NPHP1: variants seen among roughly 807,000 people sequenced by gnomAD.
NPHP1 encodes nephrocystin-1.
A neutral mutation model predicts 90.4 loss-of-function variants in NPHP1; 70 were observed. That is an observed-to-expected ratio of 0.77 (90% CI 0.64 to 0.95). NPHP1 has a LOEUF of 0.95. Ranked by LOEUF, NPHP1 falls within the 40% of genes least tolerant of loss-of-function variation. NPHP1 has a pLI of 0.00. For missense variants in NPHP1, 764 were observed against 795.9 expected, an observed-to-expected ratio of 0.96 and a Z score of 0.48; for synonymous variants, 256 against 271.7, an observed-to-expected ratio of 0.94 and a Z score of 0.57.
In NPHP1 at chr2:110,189,624, C is replaced by T. The variant is rs936890297; in HGVS notation, c.144-9940G>A. 6.6e-5 allele frequency among the ~76,000 whole-genome samples: 10 copies of T among 152,070 alleles called. 1 individual carries two copies. The highest frequency in any genetic ancestry group is 1.9e-4 in the East Asian group (1 of 5,188). ...CCAAGCGGGTTGCCATTGCTGGCTC[C>T]GGCAGCCTGCTTTTATTCTTTTATC... On this transcript the variant is annotated intron_variant, in intron 2 of 19. Coordinates refer to ENST00000445609, the MANE Select transcript of NPHP1 (RefSeq NM_001128178.3).
intron 4 of NPHP1, among the ~76,000 whole-genome samples, chr2:110,170,811 A>C (rs1474660222): frequency 6.6e-6 from 1 of 152,124 alleles, no homozygotes; most frequent in Non-Finnish European, 1.5e-5. Context: ...AATCAGGTAA[A>C]ATGGGAGTAG....
intron 2 of NPHP1, chr2:110,183,915 C>A (rs1684091293): frequency 3.0e-6 from 1 of 330,338 alleles, no homozygotes; most frequent in African/African-American, 2.2e-5. Context: ...ATAAAATATT[C>A]CTCAGCAAAT....
At chr2:110,156,689 C>G (rs1427364836) in intron 11 of NPHP1, among the ~76,000 whole-genome samples, 1 of 151,888 alleles carries the variant, frequency 6.6e-6, no homozygotes, top group Non-Finnish European at 1.5e-5. Context: ...CCAAGAGGAG[C>G]TGACTCAAAC....
chr2:110,160,849 C>T (rs976156263), intron 10 of NPHP1, among the ~76,000 whole-genome samples: 9 of 152,194 alleles, frequency 5.9e-5, no homozygotes, highest in South Asian at 2.1e-4. Flanking sequence ...TTCTGCTTTA[C>T]GGTCATAAGC....
chr2:110,204,596 G>A (rs971266506), intron 1 of NPHP1, among the ~76,000 whole-genome samples: 5 of 152,140 alleles, frequency 3.3e-5, no homozygotes, highest in African/African-American at 1.2e-4. Flanking sequence ...GGGTTAGTGA[G>A]TTGTTAGGGT....
chr2:110,178,355 G>C, intron 4 of NPHP1, 68 bp downstream of exon 4: 1 of 1,467,880 alleles, frequency 6.8e-7, no homozygotes, highest in Admixed American at 1.7e-5. Flanking sequence ...ATGTCTTTGA[G>C]TTAAACATTA....
intron 16 of NPHP1, among the ~76,000 whole-genome samples, chr2:110,137,495 C>A (rs1249826053): frequency 6.6e-6 from 1 of 151,956 alleles, no homozygotes; most frequent in Non-Finnish European, 1.5e-5. Context: ...ACAAACAACC[C>A]CATCAAAAAG....
At chr2:110,188,184 A>G (rs1189051086) in intron 2 of NPHP1, among the ~76,000 whole-genome samples, 1 of 152,152 alleles carries the variant, frequency 6.6e-6, no homozygotes, top group Non-Finnish European at 1.5e-5. Context: ...GGCAAGAGAA[A>G]GAAATAAGGA....
intron 11 of NPHP1, among the ~76,000 whole-genome samples, chr2:110,159,604 C>G (rs1682156390): frequency 6.6e-6 from 1 of 151,940 alleles, no homozygotes; most frequent in Non-Finnish European, 1.5e-5. Context: ...CTCTTAATGT[C>G]TGAAGGATCT....
intron 19 of NPHP1, 39 bp downstream of exon 19, chr2:110,125,598 C>A: frequency 6.4e-7 from 1 of 1,564,056 alleles, no homozygotes; most frequent in Non-Finnish European, 8.8e-7. Flanking sequence ...ACACCAGGTA[C>A]TGCAAATATG....
intron 1 of NPHP1, among the ~76,000 whole-genome samples, chr2:110,203,059 G>T (rs1685675981): frequency 6.6e-6 from 1 of 152,004 alleles, no homozygotes; most frequent in African/African-American, 2.4e-5. Flanking sequence ...AAGAAAATGT[G>T]GTACATATAC....
At position 110,179,680 on chromosome 2, in the gene NPHP1, T is replaced by C; in HGVS notation, c.148A>G (p.Ile50Val). ...NKRQHIYQRC[I>V]QLKQAIDENK... is the part of the protein sequence containing the mutation. ...TCATCTATTGCCTGCTTTAACTGGA[T>C]ACATCTAAATTAAGAAAAAAAAGAA... Residue 50 changes from isoleucine (I) to valine (V), a missense_variant, in exon 3 of 20, where the codon ATC becomes GTC. By Grantham distance (29) the Ile-to-Val change is conservative. Transcript: ENST00000445609. The C allele has an allele frequency of 7.8e-7, 1 of 1,287,482 alleles. No individual in the cohort carries two copies. The highest frequency in any genetic ancestry group is 1.1e-6 in the Non-Finnish European group (1 of 893,690). 79.8% of individuals were successfully genotyped at this position (1,287,482 alleles called of 1,614,324 possible).
At chr2:110,202,566 T>G in intron 1 of NPHP1, 1 of 338,874 alleles carries the variant, frequency 3.0e-6, no homozygotes, top group South Asian at 2.3e-5. Flanking sequence ...AGCCAATATT[T>G]CTCCAGGGAG....
intron 10 of NPHP1, 140 bp from the exon 11 acceptor site, chr2:110,160,395 T>C (rs758218144): frequency 1.6e-6 from 1 of 624,962 alleles, no homozygotes; most frequent in Non-Finnish European, 2.8e-6. Flanking sequence ...AAAGTTTCAA[T>C]ACTCTGTTCA....
chr2:110,157,470 A>G (rs1681993967), intron 11 of NPHP1, among the ~76,000 whole-genome samples: 1 of 152,136 alleles, frequency 6.6e-6, no homozygotes, highest in African/African-American at 2.4e-5. Context: ...GATGAAATAA[A>G]GGCATTTTCT....
chr2:110,131,858 G>A (rs1679808973), intron 16 of NPHP1, 67 bp from the exon 17 acceptor site: 2 of 1,044,912 alleles, frequency 1.9e-6, no homozygotes, highest in South Asian at 1.4e-5. Flanking sequence ...ATGTTTTGAT[G>A]TATATTACTT....
intron 13 of NPHP1, 90 bp downstream of exon 13, chr2:110,147,826 G>A (rs1681172878): frequency 1.3e-6 from 1 of 780,902 alleles, no homozygotes; most frequent in African/African-American, 1.7e-5. Context: ...TACACATAAA[G>A]ACTTCAAGGA....
intron 4 of NPHP1, among the ~76,000 whole-genome samples, chr2:110,174,563 T>G (rs1442523272): frequency 6.6e-6 from 1 of 152,184 alleles, no homozygotes; most frequent in East Asian, 1.9e-4. Context: ...AGTCAGTCCT[T>G]GTAACATGCA....
At chr2:110,195,759 C>T (rs1685121901) in intron 2 of NPHP1, among the ~76,000 whole-genome samples, 1 of 152,128 alleles carries the variant, frequency 6.6e-6, no homozygotes, top group African/African-American at 2.4e-5. Flanking sequence ...AACTGTACTA[C>T]AAGGCTACAG....
Sources: gnomAD v4.1 joint callset for allele counts (sites outside exome capture counted in the v4.1 genomes callset) on GRCh38, gnomAD v4.1.1 for gene constraint, MANE v1.5 for transcripts, NCBI Gene and HGNC (gene_info 2026-07-23, HGNC 2026-07-21) for gene names.